Variants in SMYD3 observed in about 807,000 individuals in gnomAD.
SMYD3 encodes the protein histone-lysine N-methyltransferase SMYD3.
Under a neutral mutation model 57.7 loss-of-function variants are expected in SMYD3, and 36 were observed. The observed-to-expected ratio is 0.62, with a 90% CI of 0.48 to 0.82. The LOEUF is 0.82. SMYD3 is among the 40% of genes least tolerant of loss of function. SMYD3 has a pLI of 0.00. For missense variants in SMYD3, 515 were observed against 538.8 expected, an observed-to-expected ratio of 0.96 and a Z score of 0.44; for synonymous variants, 211 against 195.0, an observed-to-expected ratio of 1.08 and a Z score of -0.68.
At chr1:246,232,109 C>G (rs181078522) in intron 5 of SMYD3, among the ~76,000 whole-genome samples, 2 of 151,870 alleles carry the variant, frequency 1.3e-5, no homozygotes, top group African/African-American at 2.4e-5. Context: ...CATTGAGATT[C>G]GGGAATAATT....
chr1:245,935,746 C>T (rs546613039), intron 5 of SMYD3, among the ~76,000 whole-genome samples: 2 of 152,196 alleles, frequency 1.3e-5, no homozygotes, highest in East Asian at 3.9e-4. Context: ...TATGGATGAA[C>T]CTGGAGGACA....
At chr1:246,476,789 A>G (rs1308345985) in intron 1 of SMYD3, among the ~76,000 whole-genome samples, 1 of 152,282 alleles carries the variant, frequency 6.6e-6, no homozygotes, top group Non-Finnish European at 1.5e-5. Context: ...CACAGAGAAG[A>G]AAACAACTTT....
At chr1:246,341,366 C>G (rs1416869164) in intron 2 of SMYD3, among the ~76,000 whole-genome samples, 1 of 152,056 alleles carries the variant, frequency 6.6e-6, no homozygotes, top group Non-Finnish European at 1.5e-5. Flanking sequence ...CTGATGCAAT[C>G]TTTTTTAATT....
At chr1:246,412,167 A>C (rs1361311298) in intron 1 of SMYD3, among the ~76,000 whole-genome samples, 1 of 151,946 alleles carries the variant, frequency 6.6e-6, no homozygotes, top group Non-Finnish European at 1.5e-5. Flanking sequence ...ATCTTTACCT[A>C]CTCAGTTAAG....
chr1:246,151,245 CAA>C (rs36099985), intron 5 of SMYD3, among the ~76,000 whole-genome samples: 154 of 132,626 alleles, frequency 1.2e-3, no homozygotes, highest in Non-Finnish European at 1.1e-3. Context: ...GACTCTGTCT[CAA>C]AAAAAAAAAA....
At chr1:245,885,977 T>C (rs1190952485) in intron 8 of SMYD3, among the ~76,000 whole-genome samples, 1 of 152,238 alleles carries the variant, frequency 6.6e-6, no homozygotes, top group Non-Finnish European at 1.5e-5. Context: ...ATAATTAACA[T>C]GTTTTTATTT....
chr1:245,822,107 T>C (rs930297175), intron 10 of SMYD3, among the ~76,000 whole-genome samples: 30 of 152,262 alleles, frequency 2.0e-4, no homozygotes, highest in African/African-American at 5.1e-4. Flanking sequence ...CGTATGTTTA[T>C]TGCGGCATTA....
intron 5 of SMYD3, among the ~76,000 whole-genome samples, chr1:246,261,713 A>T (rs1350113328): frequency 6.6e-6 from 1 of 152,182 alleles, no homozygotes; most frequent in African/African-American, 2.4e-5. Flanking sequence ...AATTTAAAAA[A>T]AAAATCAGTT....
intron 10 of SMYD3, among the ~76,000 whole-genome samples, chr1:245,848,467 G>C (rs1039322166): frequency 6.6e-6 from 1 of 151,998 alleles, no homozygotes; most frequent in Non-Finnish European, 1.5e-5. Context: ...ACCCAAGTTG[G>C]AGCATGTGGT....
chr1:246,016,782 A>G (rs939541511), intron 5 of SMYD3, among the ~76,000 whole-genome samples: 4 of 152,138 alleles, frequency 2.6e-5, no homozygotes, highest in African/African-American at 9.7e-5. Context: ...AAGAAAAAGA[A>G]AACAAGGAAG....
intron 1 of SMYD3, among the ~76,000 whole-genome samples, chr1:246,450,187 T>A (rs2067611306): frequency 6.6e-6 from 1 of 152,078 alleles, no homozygotes; most frequent in Admixed American, 6.6e-5. Flanking sequence ...CTCAGGAGGC[T>A]GAGGCAGGAG....
intron 5 of SMYD3, among the ~76,000 whole-genome samples, chr1:246,321,088 A>G (rs2065239883): frequency 6.6e-6 from 1 of 152,232 alleles, no homozygotes; most frequent in Non-Finnish European, 1.5e-5. Flanking sequence ...CTAAGCCTCA[A>G]GAAAAGACAC....
At chr1:246,401,381 T>G (rs1243533066) in intron 1 of SMYD3, among the ~76,000 whole-genome samples, 1 of 152,100 alleles carries the variant, frequency 6.6e-6, no homozygotes, top group East Asian at 1.9e-4. Flanking sequence ...TGGCCCAGGC[T>G]GGAGTGCAGT....
At chr1:245,950,760 G>A (rs1360434204) in intron 5 of SMYD3, among the ~76,000 whole-genome samples, 1 of 152,240 alleles carries the variant, frequency 6.6e-6, no homozygotes, top group Non-Finnish European at 1.5e-5. Context: ...GTGCACATAT[G>A]TTCCCAGTAT....
chr1:246,123,261 G>A lies in SMYD3; in HGVS notation c.532-193324C>T, dbSNP rs1401432060. Among the ~76,000 whole-genome samples, 9 of 152,252 alleles carry A rather than the reference G, an allele frequency of 5.9e-5. 3 individuals carry two copies. The highest frequency in any genetic ancestry group is 5.9e-4 in the Admixed American group (9 of 15,300). ...AATCTAAACGGAAGAGCCATCTGATGCAACAGCCTACATCATTCTGCATTG... is the reference window on the plus strand; with the variant it reads ...AATCTAAACGGAAGAGCCATCTGATACAACAGCCTACATCATTCTGCATTG... On this transcript the variant is annotated intron_variant, in intron 5 of 11. Transcript: ENST00000490107.
intron 10 of SMYD3, among the ~76,000 whole-genome samples, chr1:245,821,990 A>G (rs184276665): frequency 0.046 from 7,035 of 151,934 alleles, 235 homozygotes; most frequent in South Asian, 0.11. Context: ...TCAGTGTGGC[A>G]ATTCCTCAGG....
intron 5 of SMYD3, among the ~76,000 whole-genome samples, chr1:246,071,763 GCTCA>G (rs1365487211): frequency 2.6e-5 from 4 of 151,850 alleles, no homozygotes; most frequent in Non-Finnish European, 5.9e-5. Context: ...TTTCCGCTGT[GCTCA>G]CTGTCGCTGC....
chr1:246,505,551 T>C (rs1056953161), intron 1 of SMYD3, among the ~76,000 whole-genome samples: 1 of 134,200 alleles, frequency 7.5e-6, no homozygotes, highest in Non-Finnish European at 1.6e-5. Context: ...CAGCTACTTT[T>C]GCAGTGCAAT....
chr1:245,942,602 G>A (rs547373353), intron 5 of SMYD3, among the ~76,000 whole-genome samples: 1 of 152,268 alleles, frequency 6.6e-6, no homozygotes, highest in South Asian at 2.1e-4. Flanking sequence ...TTCAGGATCT[G>A]AACTCAGCTC....
Sources: gnomAD v4.1 joint callset for allele counts (sites outside exome capture counted in the v4.1 genomes callset) on GRCh38, gnomAD v4.1.1 for gene constraint, MANE v1.5 for transcripts, NCBI Gene and HGNC (gene_info 2026-07-23, HGNC 2026-07-21) for gene names.